POU6F1: variants seen among roughly 807,000 people sequenced by gnomAD.
The protein encoded by POU6F1 is POU domain, class 6, transcription factor 1.
POU6F1 carries 9 observed loss-of-function variants against 28.9 expected under a neutral mutation model. That is an observed-to-expected ratio of 0.31 (90% confidence interval 0.19 to 0.54). The LOEUF is 0.54. Ranked by LOEUF, POU6F1 falls within the 20% of genes least tolerant of loss-of-function variation. POU6F1 has a pLI of 0.94. For missense variants in POU6F1, 338 were observed against 426.1 expected (o/e 0.79, Z 1.82); for synonymous variants, 173 against 171.1 (o/e 1.01, Z -0.09).
At chr12:51,213,555 C>T (rs77272934) in intron 1 of POU6F1, among the ~76,000 whole-genome samples, 11,141 of 151,518 alleles carry the variant, frequency 0.074, 623 homozygotes, top group East Asian at 0.29. Flanking sequence ...TTTTTTGAGA[C>T]GAGGACTTGC....
At chr12:51,194,695 C>T (rs1942694924) in intron 8 of POU6F1, among the ~76,000 whole-genome samples, 1 of 151,278 alleles carries the variant, frequency 6.6e-6, no homozygotes, top group Non-Finnish European at 1.5e-5. Context: ...TAACGCCCTT[C>T]AGCATCAGCA....
chr12:51,205,686 G>A (rs1310307740), intron 2 of POU6F1, among the ~76,000 whole-genome samples: 4 of 152,164 alleles, frequency 2.6e-5, no homozygotes, highest in Non-Finnish European at 4.4e-5. Flanking sequence ...AAAAAGTGAC[G>A]ATGTGACCCA....
Position 51,191,593 on chromosome 12 carries a change from C to T in POU6F1, c.1490+3G>A. 6.2e-7 allele frequency: 1 copy of T among 1,612,514 alleles called. No homozygotes were observed. The highest frequency in any genetic ancestry group is 8.5e-7 in the Non-Finnish European group (1 of 1,179,728). On this transcript the variant is annotated splice_donor_region_variant and intron_variant, in intron 10 of 10. Transcript: ENST00000333640. ...TAATCCTGTCTAGGGCAGCCTTACT[C>T]ACCGGCAGATGGCTGACTGGCTGTA...
Position 51,196,036 on chromosome 12 carries a change from G to A in POU6F1, c.1113C>T (p.Ser371=), listed in dbSNP as rs1377971634. 9 of 1,610,398 alleles carry A rather than the reference G, an allele frequency of 5.6e-6. No homozygotes were observed. In the African/African-American group the frequency reaches 6.7e-5, roughly 12 times the overall value. The change falls in exon 8 of 11, where the codon AGC becomes AGT. Residue 371 remains serine (S), a synonymous_variant. Transcript: ENST00000333640. ...AQGQVIATLA[S]SPLPPPVAVR... ...CAGCCACAGGTGGAGGCAGGGGGCTGCTAGCCAGGGTCGCAATCACCTGGC... is the reference window on the plus strand; with the variant it reads ...CAGCCACAGGTGGAGGCAGGGGGCTACTAGCCAGGGTCGCAATCACCTGGC...
Position 51,192,479 on chromosome 12 carries a change from A to C in POU6F1, c.1180-8T>G. On this transcript the variant is annotated splice_region_variant and splice_polypyrimidine_tract_variant and intron_variant, in intron 8 of 10. Coordinates refer to ENST00000333640, the MANE Select transcript of POU6F1 (RefSeq NM_001330422.2). Reference sequence around the variant, plus strand: ...GGGCTGGATGGGCTGCACCTGTGAAAGGACAGACAACAAGCCTTTGCTGCC... The same window carrying C: ...GGGCTGGATGGGCTGCACCTGTGAACGGACAGACAACAAGCCTTTGCTGCC... The C allele has an allele frequency of 6.2e-7, 1 of 1,612,174 alleles. No homozygotes were observed. Among genetic ancestry groups the C allele is most frequent in the Non-Finnish European group, 8.5e-7 (1 of 1,179,538 alleles).
chr12:51,212,990 G>A (rs926875222), intron 1 of POU6F1, among the ~76,000 whole-genome samples: 2 of 151,924 alleles, frequency 1.3e-5, no homozygotes, highest in South Asian at 2.1e-4. Flanking sequence ...AGGTTGGAGT[G>A]CAGCGGCGGG....
intron 8 of POU6F1, among the ~76,000 whole-genome samples, chr12:51,194,869 A>T (rs1242594874): frequency 6.6e-6 from 1 of 152,216 alleles, no homozygotes; most frequent in African/African-American, 2.4e-5. Context: ...GATAAAGCTA[A>T]GAGGTTATTT....
chr12:51,196,934 G>T lies in POU6F1; in HGVS notation c.847-7C>A. ...CGAGGGAAGCAGCACTGATCTGTGG[G>T]TGGAGGAAGAGCCTTGCTCAGAAGC... On this transcript the variant is annotated splice_region_variant and splice_polypyrimidine_tract_variant and intron_variant, in intron 6 of 10. Coordinates refer to ENST00000333640, the MANE Select transcript of POU6F1 (RefSeq NM_001330422.2). 6.5e-7 allele frequency: 1 copy of T among 1,534,650 alleles called. No individual in the cohort carries two copies. Among genetic ancestry groups the T allele is most frequent in the Non-Finnish European group, 9.0e-7 (1 of 1,112,146 alleles).
rs1226902805 is a variant in POU6F1, at chr12:51,199,398, A to G, written c.366+349T>C. Among the ~76,000 whole-genome samples, 1 of 152,208 alleles carries G rather than the reference A, an allele frequency of 6.6e-6. No individual in the cohort carries two copies. Among genetic ancestry groups the G allele is most frequent in the African/African-American group, 2.4e-5 (1 of 41,440 alleles). On this transcript the variant is annotated intron_variant, in intron 4 of 10. Transcript: ENST00000333640. This position sits in a 1 kb window ranked among gnomAD's most constrained non-coding sequence, Gnocchi z 4.1. ...TGGCTCTAAATGAGGACTCTGAACA[A>G]TCCATTAACTCTTACAGGCATCCAC...
Position 51,217,934 on chromosome 12 carries a change from G to C in POU6F1, c.-340C>G, listed in dbSNP as rs1944374493. The stretch of plus-strand genomic sequence containing the variant: ...GAAGCGGGAAGGGGAAGCCGGGTGG[G>C]GGGGCGGTCAGGTATATATTTTTCT... On this transcript the variant is annotated 5_prime_UTR_variant, in exon 1 of 11. Coordinates refer to ENST00000333640, the MANE Select transcript of POU6F1 (RefSeq NM_001330422.2). The surrounding 1 kb of genome is among the most constrained non-coding windows in gnomAD (Gnocchi z 5.3). Among the ~76,000 whole-genome samples, 1 of 151,938 alleles carries C rather than the reference G, an allele frequency of 6.6e-6. No individual in the cohort carries two copies. The highest frequency in any genetic ancestry group is 1.5e-5 in the Non-Finnish European group (1 of 67,904).
At position 51,196,817 on chromosome 12, in the gene POU6F1, G is replaced by A. The variant is rs747645803; in HGVS notation, c.957C>T (p.Leu319=). 6.2e-6 allele frequency: 10 copies of A among 1,614,048 alleles called. No individual in the cohort carries two copies. Among genetic ancestry groups the A allele is most frequent in the Non-Finnish European group, 8.5e-7 (1 of 1,179,962 alleles). ...PSMPGISSQI[L]TNAQGQVIGT... ...CACTTGCCTGTCCCTGAGCATTGGT[G>A]AGGATCTGACTGCTGATCCCTGGCA... is the stretch of plus-strand genomic sequence containing the variant. The change falls in exon 7 of 11, where the codon CTC becomes CTT. Residue 319 remains leucine, a synonymous_variant. Transcript: ENST00000333640.
chr12:51,196,200 A>T (rs759298910), intron 7 of POU6F1, 27 bp from the exon 8 acceptor site: 2 of 1,466,296 alleles, frequency 1.4e-6, no homozygotes, highest in Middle Eastern at 4.5e-4. Context: ...CAGGGACCCC[A>T]GGTGTGAGGG....
At position 51,217,646 on chromosome 12, in the gene POU6F1, G is replaced by T. The variant is rs1944360529; in HGVS notation, c.-52C>A. ...GCCCCGGACCCCGCTACTTACCGGAGCCCGAGCCCGAGCCGCCTTCGCCGC... is the reference window on the plus strand; with the variant it reads ...GCCCCGGACCCCGCTACTTACCGGATCCCGAGCCCGAGCCGCCTTCGCCGC... On this transcript the variant is annotated 5_prime_UTR_variant, in exon 1 of 11. Transcript: ENST00000333640. The surrounding 1 kb of genome is among the most constrained non-coding windows in gnomAD (Gnocchi z 5.3). 1.3e-5 allele frequency: 2 copies of T among 151,756 alleles called. No individual in the cohort carries two copies. The highest frequency in any genetic ancestry group is 6.6e-5 in the Admixed American group (1 of 15,246). 9.4% of individuals were successfully genotyped at this position (151,756 alleles called of 1,614,324 possible).
chr12:51,208,273 C>G (rs1156907781), intron 1 of POU6F1, among the ~76,000 whole-genome samples: 1 of 152,030 alleles, frequency 6.6e-6, no homozygotes, highest in Admixed American at 6.6e-5. Context: ...GCACTCCAGC[C>G]TGGGTTACAG....
chr12:51,212,042 C>A (rs1343214921), intron 1 of POU6F1, among the ~76,000 whole-genome samples: 1 of 151,774 alleles, frequency 6.6e-6, no homozygotes, highest in Non-Finnish European at 1.5e-5. Flanking sequence ...TAGAAGAAAT[C>A]CTGAAATGCC....
At chr12:51,198,264 T>G in intron 5 of POU6F1, 3 of 393,290 alleles carry the variant, frequency 7.6e-6, no homozygotes, top group Non-Finnish European at 4.5e-6. Flanking sequence ...CTTGTAGTCC[T>G]TCCCAGGAGG....
At chr12:51,210,710 C>T (rs571774562) in intron 1 of POU6F1, among the ~76,000 whole-genome samples, 28 of 152,292 alleles carry the variant, frequency 1.8e-4, no homozygotes, top group African/African-American at 6.5e-4. Flanking sequence ...AAGTCAAGGG[C>T]AAAGTCAGTC....
At chr12:51,209,423 T>G (rs1943839735) in intron 1 of POU6F1, among the ~76,000 whole-genome samples, 1 of 152,254 alleles carries the variant, frequency 6.6e-6, no homozygotes, top group Non-Finnish European at 1.5e-5. Flanking sequence ...TTACTTGGCA[T>G]GTTTCCAAGG....
chr12:51,211,369 G>T (rs1292238058), intron 1 of POU6F1, among the ~76,000 whole-genome samples: 1 of 152,180 alleles, frequency 6.6e-6, no homozygotes, highest in African/African-American at 2.4e-5. Flanking sequence ...TTTGAAAAAC[G>T]CCTGGATCAG....
Sources: allele counts gnomAD v4.1 joint callset (sites outside exome capture counted in the v4.1 genomes callset), GRCh38; gene constraint gnomAD v4.1.1; non-coding constraint Gnocchi (gnomAD v3.1); transcripts MANE v1.5; gene names NCBI Gene and HGNC (gene_info 2026-07-23, HGNC 2026-07-21).